Variants in KLHL1 observed in about 807,000 individuals in gnomAD.
The protein encoded by KLHL1 is kelch like family member 1, also known as kelch-like protein 1.
In KLHL1, 47 loss-of-function variants were observed where a neutral mutation model predicts 77.7. The ratio of observed to expected loss-of-function variants is 0.60; its 90% CI spans 0.48 to 0.77. KLHL1 has a LOEUF of 0.77. KLHL1 is among the 30% of genes least tolerant of loss of function. The pLI, the probability that KLHL1 is intolerant of heterozygous loss-of-function variation, is 0.00. For synonymous variants in KLHL1, 360 were observed against 325.2 expected, an observed-to-expected ratio of 1.11 and a Z score of -1.15; for missense variants, 925 against 910.8, an observed-to-expected ratio of 1.02 and a Z score of -0.20.
At position 70,075,260 on chromosome 13, in the gene KLHL1, G is replaced by C. The variant is rs114201617; in HGVS notation, c.497+31943C>G. Among the ~76,000 whole-genome samples, 3 of 151,584 alleles carry C rather than the reference G, an allele frequency of 2.0e-5. No individual in the cohort carries two copies. The South Asian group carries it at 6.3e-4, about 32-fold the overall frequency. ...TGGGACAAGTAAAGGGGAAGGCAAGGGGTAGAACTGCACAAGAGCAAAGGT... is the reference window on the plus strand; with the variant it reads ...TGGGACAAGTAAAGGGGAAGGCAAGCGGTAGAACTGCACAAGAGCAAAGGT... On this transcript the variant is annotated intron_variant, in intron 1 of 10. Coordinates refer to ENST00000377844, the MANE Select transcript of KLHL1 (RefSeq NM_020866.3).
chr13:69,745,091 C>T (rs556751479), intron 7 of KLHL1, among the ~76,000 whole-genome samples: 4 of 151,880 alleles, frequency 2.6e-5, no homozygotes, highest in South Asian at 2.1e-4. Context: ...AGAGGAACCC[C>T]GTTGTCTGAT....
intron 1 of KLHL1, among the ~76,000 whole-genome samples, chr13:70,046,558 G>T (rs935103134): frequency 2.0e-5 from 3 of 152,194 alleles, no homozygotes; most frequent in Admixed American, 6.5e-5. Context: ...CACAATTTCT[G>T]CTCATTGCAA....
intron 1 of KLHL1, among the ~76,000 whole-genome samples, chr13:70,001,714 C>T (rs185744966): frequency 1.3e-4 from 20 of 149,538 alleles, no homozygotes; most frequent in African/African-American, 4.6e-4. Flanking sequence ...CTACTATCTT[C>T]CTATCTTAAA....
chr13:69,799,029 C>A (rs2138042368), intron 6 of KLHL1, among the ~76,000 whole-genome samples: 1 of 151,708 alleles, frequency 6.6e-6, no homozygotes, highest in Non-Finnish European at 1.5e-5. Flanking sequence ...GCAGAGGTTG[C>A]AGTGAGCTGA....
At chr13:69,748,197 T>C (rs1440697458) in intron 7 of KLHL1, among the ~76,000 whole-genome samples, 1 of 151,782 alleles carries the variant, frequency 6.6e-6, no homozygotes, top group African/African-American at 2.4e-5. Flanking sequence ...TGCAAATGAG[T>C]TCTGGTTTAG....
intron 1 of KLHL1, among the ~76,000 whole-genome samples, chr13:70,025,252 C>T (rs562621849): frequency 1.3e-4 from 19 of 151,972 alleles, no homozygotes; most frequent in Admixed American, 6.6e-4. Flanking sequence ...ATATAATCTA[C>T]AAGTATAATG....
chr13:69,940,168 G>A lies in KLHL1; in HGVS notation c.886C>T (p.Gln296Ter). 3 of 1,612,708 alleles carry A rather than the reference G, an allele frequency of 1.9e-6. No homozygotes were observed. The highest frequency in any genetic ancestry group is 2.5e-6 in the Non-Finnish European group (3 of 1,179,436). ...AAGTGGCAGCACACTTCCACCACCT[G>A]TGGAAGCTGAAGAAGGCACGCTGCA... Reference protein sequence around the residue: ...LAAACLLQLPQVVEVCCHFLM... With the variant: ...LAAACLLQLP The change falls in exon 4 of 11, where the codon CAG (glutamine) becomes TAG (stop). Residue 296 changes from glutamine to a stop codon, truncating the protein, a stop_gained. Coordinates refer to ENST00000377844, the MANE Select transcript of KLHL1 (RefSeq NM_020866.3). LOFTEE classifies it high-confidence loss of function.
intron 8 of KLHL1, among the ~76,000 whole-genome samples, chr13:69,739,274 A>G (rs960763977): frequency 1.3e-5 from 2 of 152,180 alleles, no homozygotes; most frequent in Non-Finnish European, 2.9e-5. Context: ...AAAAGGACGA[A>G]TTGTTACCAG....
intron 9 of KLHL1, among the ~76,000 whole-genome samples, chr13:69,717,131 C>T (rs1253183760): frequency 6.6e-6 from 1 of 152,042 alleles, no homozygotes; most frequent in Non-Finnish European, 1.5e-5. Context: ...TTTAACACCA[C>T]CATTATATAA....
intron 9 of KLHL1, among the ~76,000 whole-genome samples, chr13:69,711,927 G>A (rs1875895098): frequency 6.6e-6 from 1 of 152,030 alleles, no homozygotes; most frequent in African/African-American, 2.4e-5. Context: ...GGTAGGTGAT[G>A]GTATAATAAT....
chr13:69,964,854 C>G (rs142187908), intron 2 of KLHL1, among the ~76,000 whole-genome samples: 2,744 of 152,142 alleles, frequency 0.018, 36 homozygotes, highest in Middle Eastern at 0.054. Flanking sequence ...TGGGTCATCT[C>G]TTGGTCAATT....
At chr13:70,003,723 T>A (rs1885347024) in intron 1 of KLHL1, among the ~76,000 whole-genome samples, 1 of 151,778 alleles carries the variant, frequency 6.6e-6, no homozygotes, top group Admixed American at 6.6e-5. Flanking sequence ...TTCATGAAAT[T>A]TTGTACTACA....
chr13:69,979,527 C>T (rs9317861), intron 1 of KLHL1, among the ~76,000 whole-genome samples: 73,206 of 151,894 alleles, frequency 0.48, 17,805 homozygotes, highest in African/African-American at 0.5. Flanking sequence ...AACATTTTAG[C>T]AAATTTACAT....
At chr13:69,814,627 A>G (rs1878041154) in intron 6 of KLHL1, among the ~76,000 whole-genome samples, 1 of 152,108 alleles carries the variant, frequency 6.6e-6, no homozygotes, top group Admixed American at 6.6e-5. Context: ...CAAGAAACAT[A>G]AAAAATACTC....
intron 8 of KLHL1, among the ~76,000 whole-genome samples, 172 bp downstream of exon 8, chr13:69,740,222 G>T (rs1375358997): frequency 6.6e-6 from 1 of 151,916 alleles, no homozygotes; most frequent in Admixed American, 6.6e-5. Flanking sequence ...AGCAATTTTG[G>T]GTTCCGTTGT....
intron 6 of KLHL1, among the ~76,000 whole-genome samples, chr13:69,827,191 A>T (rs909385880): frequency 6.7e-6 from 1 of 149,816 alleles, no homozygotes; most frequent in South Asian, 2.1e-4. Context: ...TGGTATATAA[A>T]ATTAATTTAT....
intron 5 of KLHL1, among the ~76,000 whole-genome samples, chr13:69,847,349 TAAG>T (rs1174723521): frequency 6.7e-6 from 1 of 148,446 alleles, no homozygotes; most frequent in African/African-American, 2.5e-5. Flanking sequence ...CATCCAGAAA[TAAG>T]AAAAGACCTA....
chr13:70,050,074 GCTAC>G (rs1163532983), intron 1 of KLHL1, among the ~76,000 whole-genome samples: 1 of 151,756 alleles, frequency 6.6e-6, no homozygotes, highest in Non-Finnish European at 1.5e-5. Context: ...TAAAAATATT[GCTAC>G]CTTTCATTGA....
chr13:69,824,623 C>G (rs1018077389), intron 6 of KLHL1, among the ~76,000 whole-genome samples: 2 of 151,686 alleles, frequency 1.3e-5, no homozygotes, highest in Non-Finnish European at 2.9e-5. Context: ...AAATAATATG[C>G]TAATTGAAAA....
Sources: gnomAD v4.1 joint callset for allele counts (sites outside exome capture counted in the v4.1 genomes callset) on GRCh38, gnomAD v4.1.1 for gene constraint, MANE v1.5 for transcripts, NCBI Gene and HGNC (gene_info 2026-07-23, HGNC 2026-07-21) for gene names.